Variants in DNAJB1 observed in about 807,000 individuals in gnomAD.
The protein encoded by DNAJB1 is DnaJ heat shock protein family (Hsp40) member B1.
A neutral mutation model predicts 24.0 loss-of-function variants in DNAJB1; 14 were observed. That is an observed-to-expected ratio of 0.58 (90% CI 0.39 to 0.91). DNAJB1 has a LOEUF of 0.91. Ranked by LOEUF, DNAJB1 falls within the 40% of genes least tolerant of loss-of-function variation. The probability of loss-of-function intolerance (pLI) is 0.00; values close to 1 mark genes in which losing one functional copy is unlikely to be tolerated. For synonymous variants in DNAJB1, 262 were observed against 174.4 expected, an observed-to-expected ratio of 1.50 and a Z score of -3.96; for missense variants, 517 against 458.1, an observed-to-expected ratio of 1.13 and a Z score of -1.17.
intron 1 of DNAJB1, 200 bp downstream of exon 1, chr19:14,517,939 G>A: frequency 6.1e-6 from 3 of 493,356 alleles, no homozygotes; most frequent in Non-Finnish European, 1.0e-5. Flanking sequence ...GAAGCTTCTG[G>A]CCGAGCGGCT....
intron 1 of DNAJB1, among the ~76,000 whole-genome samples, chr19:14,537,946 A>G (rs1322753855): frequency 2.0e-5 from 3 of 152,010 alleles, no homozygotes; most frequent in African/African-American, 4.8e-5. Context: ...GGGTTTCACC[A>G]TGTTGGCCAG....
At chr19:14,560,330 CT>C (rs376206156), upstream of DNAJB1, among the ~76,000 whole-genome samples, 18 of 152,316 alleles carry the variant, frequency 1.2e-4, no homozygotes, top group Non-Finnish European at 2.4e-4. Flanking sequence ...GAGGCCTTCT[CT>C]CCCTGTGGAC....
At chr19:14,522,487 G>GAA (rs60019206), upstream of DNAJB1, among the ~76,000 whole-genome samples, 3,087 of 59,200 alleles carry the variant, frequency 0.052, 82 homozygotes, top group African/African-American at 0.07. Flanking sequence ...CTGTCTCGAA[G>GAA]AAAAAAAAAA....
intron 2 of DNAJB1, chr19:14,527,299 A>C (rs974934399): frequency 1.4e-5 from 2 of 143,348 alleles, no homozygotes; most frequent in African/African-American, 5.2e-5. Context: ...CTTCTGCCTC[A>C]GCTACTTGAG....
At chr19:14,548,268 G>T (rs12460236) in intron 1 of DNAJB1, among the ~76,000 whole-genome samples, 45 of 151,844 alleles carry the variant, frequency 3.0e-4, no homozygotes, top group Non-Finnish European at 6.0e-4. Context: ...GGCCTAATGG[G>T]CATTTCAAAC....
At chr19:14,551,886 T>A (rs899026529), upstream of DNAJB1, among the ~76,000 whole-genome samples, 5 of 151,486 alleles carry the variant, frequency 3.3e-5, no homozygotes, top group Non-Finnish European at 7.4e-5. Flanking sequence ...CTTCCTCTTT[T>A]TCTTTCCTTT....
At chr19:14,523,120 C>T (rs948662836), upstream of DNAJB1, among the ~76,000 whole-genome samples, 2 of 151,750 alleles carry the variant, frequency 1.3e-5, no homozygotes, top group African/African-American at 4.8e-5. Context: ...GCAGGAGAAT[C>T]GCTTGAACCT....
upstream of DNAJB1, among the ~76,000 whole-genome samples, chr19:14,520,896 G>C (rs1370327610): frequency 1.3e-5 from 2 of 151,860 alleles, no homozygotes; most frequent in Non-Finnish European, 2.9e-5. Context: ...AGTGGACCAA[G>C]GTAGGAGGAT....
intron 1 of DNAJB1, among the ~76,000 whole-genome samples, chr19:14,559,345 C>T (rs188826203): frequency 1.3e-5 from 2 of 152,156 alleles, no homozygotes; most frequent in African/African-American, 2.4e-5. Flanking sequence ...CCATTCCCCC[C>T]GCCCAGCCCC....
At position 14,518,283 on chromosome 19, in the gene DNAJB1, C is replaced by T. The variant is rs749040460; in HGVS notation, c.67G>A (p.Ala23Thr). 6.2e-7 allele frequency: 1 copy of T among 1,610,422 alleles called. No individual in the cohort carries two copies. The highest frequency in any genetic ancestry group is 1.1e-5 in the South Asian group (1 of 90,888). Residue 23 changes from alanine to threonine, a missense_variant, in exon 1 of 3, where the codon GCC becomes ACC. By Grantham distance (58) the Ala-to-Thr change is moderately conservative. Transcript: ENST00000254322. ...TAGCGCAGCGCCTGGCGGCGGTAGG[C>T]CCGCTTGATCTCCTCGTCCGACGCG... ...RGASDEEIKR[A>T]YRRQALRYHP...
chr19:14,520,840 A>T (rs1568382971), upstream of DNAJB1, among the ~76,000 whole-genome samples: 2 of 152,074 alleles, frequency 1.3e-5, no homozygotes, highest in Non-Finnish European at 2.9e-5. Flanking sequence ...AAAAATAAAA[A>T]AAATTAGCCG....
At chr19:14,544,388 T>C (rs544687139) in intron 1 of DNAJB1, among the ~76,000 whole-genome samples, 289 of 152,132 alleles carry the variant, frequency 1.9e-3, no homozygotes, top group African/African-American at 5.7e-3. Context: ...GCCACTGTCT[T>C]ACGGAGCACA....
intron 2 of DNAJB1, among the ~76,000 whole-genome samples, chr19:14,526,779 C>A (rs2072432102): frequency 6.6e-6 from 1 of 152,152 alleles, no homozygotes; most frequent in Admixed American, 6.6e-5. Flanking sequence ...CTCTTCAGAT[C>A]ACATTAAATA....
At chr19:14,536,538 G>A (rs2072905603) in intron 1 of DNAJB1, 1 of 152,122 alleles carries the variant, frequency 6.6e-6, no homozygotes, top group Admixed American at 6.6e-5. Flanking sequence ...CCAGAGTGTT[G>A]GGATTACAGG....
rs10422024 is a variant in DNAJB1, at chr19:14,546,233, T to G, written c.-214+3975A>C. 3.0e-3 allele frequency among the ~76,000 whole-genome samples: 459 copies of G among 152,042 alleles called. 2 individuals carry two copies. The highest frequency in any genetic ancestry group is 9.7e-3 in the African/African-American group (401 of 41,482). ...TCCGATCATAGATCACACTGAAAGTTTTTGGGCATCTAACTCAGAAGGAAT... is the reference window on the plus strand; with the variant it reads ...TCCGATCATAGATCACACTGAAAGTGTTTGGGCATCTAACTCAGAAGGAAT... On this transcript the variant is annotated intron_variant, in intron 1 of 3. Transcript: ENST00000676982.
At chr19:14,536,855 C>T (rs1025566446) in intron 1 of DNAJB1, among the ~76,000 whole-genome samples, 1 of 151,652 alleles carries the variant, frequency 6.6e-6, no homozygotes, top group African/African-American at 2.4e-5. Flanking sequence ...CAGATACATA[C>T]CTGGAAAGCC....
chr19:14,548,759 T>C (rs746335431), intron 1 of DNAJB1, among the ~76,000 whole-genome samples: 12 of 151,994 alleles, frequency 7.9e-5, no homozygotes, highest in Non-Finnish European at 1.8e-4. Context: ...TGTATTTTGG[T>C]AGAGACGGGT....
chr19:14,542,391 CG>C (rs1337038983), intron 1 of DNAJB1, among the ~76,000 whole-genome samples: 2 of 81,948 alleles, frequency 2.4e-5, no homozygotes, highest in East Asian at 8.1e-4. Context: ...GATGGAGTTT[CG>C]CTTTTGTGGC....
At chr19:14,543,385 G>A (rs539329985) in intron 1 of DNAJB1, among the ~76,000 whole-genome samples, 51 of 69,256 alleles carry the variant, frequency 7.4e-4, no homozygotes, top group African/African-American at 2.7e-3. Context: ...ACTTGTTTCA[G>A]AGAATATATA....
Sources: gnomAD v4.1 joint callset for allele counts (sites outside exome capture counted in the v4.1 genomes callset) on GRCh38, gnomAD v4.1.1 for gene constraint, MANE v1.5 for transcripts, NCBI Gene and HGNC (gene_info 2026-07-23, HGNC 2026-07-21) for gene names.